Variants in STAT3 observed in about 807,000 individuals in gnomAD.
The protein encoded by STAT3 is DNA-binding protein APRF.
In STAT3, 7 loss-of-function variants were observed where a neutral mutation model predicts 114.3. The observed-to-expected ratio is 0.06, with a 90% CI of 0.03 to 0.11. STAT3 has a LOEUF of 0.11. Among genes scored for constraint, STAT3 ranks in the 10% least tolerant of loss-of-function variants. STAT3 has a pLI of 1.00. For synonymous variants in STAT3, 331 were observed against 354.5 expected (o/e 0.93, Z 0.74); for missense variants, 364 against 960.9 (o/e 0.38, Z 8.21).
In STAT3 at chr17:42,324,683, C is replaced by T. The variant is rs899691311; in HGVS notation, c.1600+28G>A. The T allele has an allele frequency of 3.6e-6, 5 of 1,390,026 alleles. No individual in the cohort carries two copies. Among genetic ancestry groups the T allele is most frequent in the East Asian group, 2.7e-5 (1 of 37,280 alleles). 86.1% of individuals were successfully genotyped at this position (1,390,026 alleles called of 1,614,324 possible). On this transcript the variant is annotated intron_variant, in intron 17 of 23. Transcript: ENST00000264657. The surrounding 1 kb of genome is among the most constrained non-coding windows in gnomAD (Gnocchi z 4.5). ...CGGATCCCTTTTCTGGGCGGGTGGGCGGGAGGGAGAAGGGGTGAAATGCGG... is the reference window on the plus strand; with the variant it reads ...CGGATCCCTTTTCTGGGCGGGTGGGTGGGAGGGAGAAGGGGTGAAATGCGG...
intron 1 of STAT3, among the ~76,000 whole-genome samples, chr17:42,367,637 C>T (rs1443135467): frequency 6.6e-6 from 1 of 152,064 alleles, no homozygotes; most frequent in Non-Finnish European, 1.5e-5. Flanking sequence ...CTCTTGACAC[C>T]CCTCTATCTA....
At chr17:42,372,856 ATAAT>A (rs147282996) in intron 1 of STAT3, among the ~76,000 whole-genome samples, 9,287 of 152,114 alleles carry the variant, frequency 0.061, 345 homozygotes, top group Non-Finnish European at 0.074. Flanking sequence ...CTAAAAAATA[ATAAT>A]AATAAAATAA....
intron 1 of STAT3, among the ~76,000 whole-genome samples, chr17:42,384,120 A>ATTTTT (rs1369350071): frequency 1.2e-5 from 1 of 81,994 alleles, no homozygotes; most frequent in East Asian, 4.3e-4. Flanking sequence ...TTATTTATTT[A>ATTTTT]TTTATTTATT....
rs374330590 is a variant in STAT3, at chr17:42,348,373, C to G, written c.128+16G>C. 1.2e-6 allele frequency: 2 copies of G among 1,614,012 alleles called. No homozygotes were observed. Among genetic ancestry groups the G allele is most frequent in the Non-Finnish European group, 8.5e-7 (1 of 1,179,978 alleles). ...TGAAACCTAACAATTTGGAGAGTCA[C>G]TTAAGAAGGACTTACCAATCTTGAC... On this transcript the variant is annotated intron_variant, in intron 2 of 23. Transcript: ENST00000264657.
At chr17:42,350,039 G>C (rs2082869276) in intron 1 of STAT3, among the ~76,000 whole-genome samples, 1 of 148,212 alleles carries the variant, frequency 6.7e-6, no homozygotes, top group Non-Finnish European at 1.5e-5. Flanking sequence ...CTGGCAACTA[G>C]AGCAAAACTC....
At chr17:42,368,937 TCC>T (rs901236930) in intron 1 of STAT3, among the ~76,000 whole-genome samples, 9 of 152,206 alleles carry the variant, frequency 5.9e-5, no homozygotes, top group African/African-American at 2.2e-4. Flanking sequence ...ATCTGTGGTT[TCC>T]TTCTTTGTGT....
rs769706649 is a variant in STAT3, at chr17:42,323,623, G to A, written c.1603C>T (p.Pro535Ser). The A allele has an allele frequency of 1.3e-6, 2 of 1,590,490 alleles. No individual in the cohort carries two copies. Among genetic ancestry groups the A allele is most frequent in the African/African-American group, 3.5e-5 (2 of 56,694 alleles). ...TGACACCCTGAATAATTCACACCAG[G>A]TCCTGAAGGAAAGAAAAAGAGTCAA... ...LTTLAEKLLGPGVNYSGCQIT... is the reference protein window; with the variant it reads ...LTTLAEKLLGSGVNYSGCQIT... The change falls in exon 18 of 24, where the codon CCT becomes TCT. Residue 535 changes from proline to serine, a missense_variant and splice_region_variant. Pro to Ser is a moderately conservative substitution (Grantham distance 74). Transcript: ENST00000264657.
At position 42,313,552 on chromosome 17, in the gene STAT3, G is replaced by C; in HGVS notation, c.*2193C>G. 1 of 231,480 alleles carries C rather than the reference G, an allele frequency of 4.3e-6. No homozygotes were observed. Among genetic ancestry groups the C allele is most frequent in the Non-Finnish European group, 8.6e-6 (1 of 116,854 alleles). The allele number at this position is 231,480 out of a possible 1,614,324, so 14.3% of individuals were successfully genotyped here. A position where few individuals can be genotyped will look rare whatever the true frequency, so the allele number is the denominator to read the frequency against. ...TCGGCTGGGCTGGGGATGGGGAGGG[G>C]GCAGTGGACAGGAAGCGGGCAGGGC... On this transcript the variant is annotated 3_prime_UTR_variant, in exon 24 of 24. Coordinates refer to ENST00000264657, the MANE Select transcript of STAT3 (RefSeq NM_139276.3).
intron 23 of STAT3, 185 bp from the exon 24 acceptor site, chr17:42,315,985 A>G (rs1490452952): frequency 6.8e-7 from 1 of 1,470,970 alleles, no homozygotes; most frequent in East Asian, 2.5e-5. Context: ...TGCCTCGGGA[A>G]GGGTCCTTTC....
rs145545897 is a variant in STAT3 at position 42,372,281 on chromosome 17, T to C, written c.-24+15998A>G. ...TTATAGCAGCTTTATTCATAACTGC[T>C]CAAACTTGGAAGCAACCAAGATGTC... On this transcript the variant is annotated intron_variant, in intron 1 of 23. Coordinates refer to ENST00000264657, the MANE Select transcript of STAT3 (RefSeq NM_139276.3). Among the ~76,000 whole-genome samples, 769 of 152,296 alleles carry C rather than the reference T, an allele frequency of 5.0e-3. 4 individuals are homozygous for C. Among genetic ancestry groups the C allele is most frequent in the Non-Finnish European group, 8.1e-3 (553 of 68,032 alleles).
In STAT3 at chr17:42,333,870, G is replaced by C. The variant is rs2082124941; in HGVS notation, c.956+21C>G. 9 of 1,614,196 alleles carry C rather than the reference G, an allele frequency of 5.6e-6. No individual in the cohort carries two copies. Among genetic ancestry groups the C allele is most frequent in the Non-Finnish European group, 7.6e-6 (9 of 1,180,032 alleles). ...TTAGGTATTTTTTAGATGAGGGAAA[G>C]GGACAAGGATGCTAAATTACCTTTT... On this transcript the variant is annotated intron_variant, in intron 9 of 23. Transcript: ENST00000264657. This position sits in a 1 kb window ranked among gnomAD's most constrained non-coding sequence, Gnocchi z 5.2.
chr17:42,387,738 A>G (rs2085187095), intron 1 of STAT3: 1 of 152,444 alleles, frequency 6.6e-6, no homozygotes. Context: ...AAGCCTACCC[A>G]CGACCAGCCA....
chr17:42,375,831 A>C (rs2084422078), intron 1 of STAT3, among the ~76,000 whole-genome samples: 1 of 147,658 alleles, frequency 6.8e-6, no homozygotes, highest in African/African-American at 2.5e-5. Flanking sequence ...CTCCATCTCA[A>C]AAAAAAAAAA....
In STAT3 at chr17:42,333,535, A is replaced by T; in HGVS notation, c.1049+138T>A. 1.0e-6 allele frequency: 1 copy of T among 971,426 alleles called. No homozygotes were observed. The highest frequency in any genetic ancestry group is 1.6e-6 in the Non-Finnish European group (1 of 629,552). 60.2% of individuals were successfully genotyped at this position (971,426 alleles called of 1,614,324 possible). A position where few individuals can be genotyped will look rare whatever the true frequency, so the allele number is the denominator to read the frequency against. ...TCAGAGAGCAAGCAGATAGTATGGC[A>T]ACAAATTTCAACCCCGCAACAGTGT... is the stretch of plus-strand genomic sequence containing the variant. On this transcript the variant is annotated intron_variant, in intron 10 of 23. Coordinates refer to ENST00000264657, the MANE Select transcript of STAT3 (RefSeq NM_139276.3). The surrounding 1 kb of genome is among the most constrained non-coding windows in gnomAD (Gnocchi z 5.2).
intron 1 of STAT3, among the ~76,000 whole-genome samples, chr17:42,358,305 A>G (rs1001883009): frequency 4.6e-5 from 7 of 151,992 alleles, no homozygotes; most frequent in Admixed American, 3.3e-4. Flanking sequence ...TTGTAGTCCC[A>G]TGGAGGCTGA....
At chr17:42,348,242 G>T (rs2082783885) in intron 2 of STAT3, 147 bp downstream of exon 2, 1 of 1,194,192 alleles carries the variant, frequency 8.4e-7, no homozygotes, top group Non-Finnish European at 1.2e-6. Flanking sequence ...AGACCAAAGG[G>T]TGCCCCTTTA....
intron 1 of STAT3, chr17:42,387,998 G>A (rs2085205996): frequency 1.1e-5 from 4 of 352,038 alleles, no homozygotes; most frequent in Non-Finnish European, 1.5e-5. Flanking sequence ...CCTCACTCCT[G>A]CCGCCGCAAC....
intron 10 of STAT3, 133 bp from the exon 11 acceptor site, chr17:42,331,664 A>C: frequency 2.7e-6 from 2 of 747,108 alleles, no homozygotes; most frequent in Non-Finnish European, 4.5e-6. Flanking sequence ...TTACAGGCTC[A>C]CATCTATAAT....
intron 18 of STAT3, 56 bp downstream of exon 18, chr17:42,323,517 G>T: frequency 6.3e-7 from 1 of 1,599,056 alleles, no homozygotes; most frequent in South Asian, 1.1e-5. Flanking sequence ...AGCCCTCAAC[G>T]ACAGCCGTGC....
Sources: allele counts gnomAD v4.1 joint callset (sites outside exome capture counted in the v4.1 genomes callset), GRCh38; gene constraint gnomAD v4.1.1; non-coding constraint Gnocchi (gnomAD v3.1); transcripts MANE v1.5; gene names NCBI Gene and HGNC (gene_info 2026-07-23, HGNC 2026-07-21).